The following NF1 variants were observed in gnomAD, a reference collection of about 807,000 sequenced individuals.
NF1 encodes the protein neurofibromin 1.
A neutral mutation model predicts 325.7 loss-of-function variants in NF1; 122 were observed. The observed-to-expected ratio is 0.37, with a 90% CI of 0.32 to 0.44. The LOEUF (loss-of-function observed/expected upper bound fraction) is 0.44. NF1 is among the 20% of genes least tolerant of loss of function. The pLI is 1.00. For synonymous variants in NF1, 1,091 were observed against 1,186.0 expected (o/e 0.92, Z 1.65); for missense variants, 2,140 against 3,415.4 (o/e 0.63, Z 9.31).
At chr17:31,207,560 C>T (rs1273000438) in intron 12 of NF1, among the ~76,000 whole-genome samples, 1 of 151,928 alleles carries the variant, frequency 6.6e-6, no homozygotes, top group Non-Finnish European at 1.5e-5. Context: ...AAAATATAGC[C>T]AAAAGATCAT....
At chr17:31,256,860 G>A (rs1327682470) in intron 31 of NF1, among the ~76,000 whole-genome samples, 1 of 152,156 alleles carries the variant, frequency 6.6e-6, no homozygotes, top group African/African-American at 2.4e-5. Context: ...CCTGAACTAT[G>A]TGTAGTGTAA....
chr17:31,186,810 T>C (rs779173232), intron 8 of NF1, among the ~76,000 whole-genome samples: 25 of 152,210 alleles, frequency 1.6e-4, no homozygotes, highest in Non-Finnish European at 3.1e-4. Flanking sequence ...ATGGAAGTTA[T>C]GCATGGGCTT....
At chr17:31,301,247 T>C (rs111661858) in intron 36 of NF1, among the ~76,000 whole-genome samples, 13 of 152,266 alleles carry the variant, frequency 8.5e-5, no homozygotes, top group African/African-American at 2.6e-4. Context: ...GCTTCCAGAT[T>C]ATAAAGGAAT....
chr17:31,199,383 GT>G (rs1370436933), intron 8 of NF1, among the ~76,000 whole-genome samples: 1 of 151,978 alleles, frequency 6.6e-6, no homozygotes, highest in Non-Finnish European at 1.5e-5. Context: ...GAATTTTTTA[GT>G]TTTTTTATCT....
rs1373088315 is a variant in NF1, at chr17:31,334,869, C to T, written c.5844C>T (p.Tyr1948=). 1 of 1,613,878 alleles carries T rather than the reference C, an allele frequency of 6.2e-7. No homozygotes were observed. Among genetic ancestry groups the T allele is most frequent in the Non-Finnish European group, 8.5e-7 (1 of 1,179,962 alleles). Residue 1948 remains tyrosine (Y), a synonymous_variant, in exon 40 of 58, where the codon TAC becomes TAT. Transcript: ENST00000358273. The stretch of plus-strand genomic sequence containing the variant: ...AATTGAAACACCTTTGTTTGGAATA[C>T]ATGACTCCATGGCTGTCAAATCTAG... ...SIELKHLCLE[Y]MTPWLSNLVR...
At chr17:31,155,555 C>T (rs1349602996) in intron 1 of NF1, among the ~76,000 whole-genome samples, 1 of 152,086 alleles carries the variant, frequency 6.6e-6, no homozygotes, top group African/African-American at 2.4e-5. Context: ...TGTTTGAGTT[C>T]AATGGATAAG....
intron 1 of NF1, among the ~76,000 whole-genome samples, chr17:31,119,505 A>G (rs1437025181): frequency 6.7e-6 from 1 of 148,200 alleles, no homozygotes; most frequent in African/African-American, 2.5e-5. Flanking sequence ...TAGATTCTGG[A>G]TATTAGCCCT....
At position 31,375,064 on chromosome 17, in the gene NF1, C is replaced by A. The variant is rs1193297377; in HGVS notation, c.*909C>A. On this transcript the variant is annotated 3_prime_UTR_variant, in exon 58 of 58. Transcript: ENST00000358273. ...TCCCCCTCTTCTTTCCTAACTAATT[C>A]TGAGCAGGGTAATCAGTGAACAAAG... The A allele has an allele frequency of 3.3e-5, 7 of 210,726 alleles. No homozygotes were observed. Among genetic ancestry groups the A allele is most frequent in the Non-Finnish European group, 6.7e-5 (7 of 103,778 alleles). 13.1% of individuals were successfully genotyped at this position (210,726 alleles called of 1,614,324 possible).
chr17:31,330,604 A>G, intron 39 of NF1, 106 bp downstream of exon 39: 1 of 902,650 alleles, frequency 1.1e-6, no homozygotes, highest in Non-Finnish European at 1.7e-6. Context: ...TTACATTTTT[A>G]CTTTTTTTCC....
intron 1 of NF1, among the ~76,000 whole-genome samples, chr17:31,126,406 T>A (rs1457798893): frequency 6.6e-6 from 1 of 152,160 alleles, no homozygotes; most frequent in Non-Finnish European, 1.5e-5. Flanking sequence ...TTGTTTAATT[T>A]TTCCTGATTG....
At chr17:31,145,988 CAT>C (rs1916558431) in intron 1 of NF1, among the ~76,000 whole-genome samples, 1 of 152,154 alleles carries the variant, frequency 6.6e-6, no homozygotes, top group Non-Finnish European at 1.5e-5. Context: ...GAGAAGTTTC[CAT>C]TACAGATTCA....
At chr17:31,270,983 T>TGGGTGG in intron 36 of NF1, among the ~76,000 whole-genome samples, 1 of 152,184 alleles carries the variant, frequency 6.6e-6, no homozygotes, top group Non-Finnish European at 1.5e-5. Flanking sequence ...AGTGTTTCAT[T>TGGGTGG]TATTACTAAA....
At position 31,377,193 on chromosome 17, in the gene NF1, A is replaced by G. The variant is rs1223404536; in HGVS notation, c.*3038A>G. The G allele has an allele frequency of 8.6e-6, 2 of 233,438 alleles. No individual in the cohort carries two copies. The highest frequency in any genetic ancestry group is 2.2e-5 in the African/African-American group (1 of 45,298). The allele number at this position is 233,438 out of a possible 1,614,324, so 14.5% of individuals were successfully genotyped here. A position where few individuals can be genotyped will look rare whatever the true frequency, so the allele number is the denominator to read the frequency against. On this transcript the variant is annotated 3_prime_UTR_variant, in exon 58 of 58. Coordinates refer to ENST00000358273, the MANE Select transcript of NF1 (RefSeq NM_001042492.3). ...GCCACACAATTTTTTTTAATGCAGT[A>G]TATTCACCTGTAAATAGTTTGTGTA...
intron 8 of NF1, chr17:31,183,577 A>G (rs2066177153): frequency 6.6e-6 from 1 of 152,386 alleles, no homozygotes; most frequent in Admixed American, 6.5e-5. Flanking sequence ...GCCCTTCAAA[A>G]TAGTAGGTTT....
chr17:31,137,813 G>T (rs1915887531), intron 1 of NF1: 1 of 151,052 alleles, frequency 6.6e-6, no homozygotes. Flanking sequence ...TTGATAATTT[G>T]TCTAGGTCTT....
chr17:31,304,046 C>G (rs984609667), intron 36 of NF1: 8 of 440,382 alleles, frequency 1.8e-5, no homozygotes, highest in Non-Finnish European at 2.8e-5. Flanking sequence ...ATGTACTATA[C>G]TTTAAAGATA....
intron 8 of NF1, among the ~76,000 whole-genome samples, chr17:31,187,641 G>C (rs1159996591): frequency 6.6e-6 from 1 of 152,166 alleles, no homozygotes; most frequent in Non-Finnish European, 1.5e-5. Context: ...GGCTGTGTAT[G>C]CTCTGAATCA....
chr17:31,173,959 G>T (rs569346446), intron 5 of NF1, among the ~76,000 whole-genome samples: 2 of 152,304 alleles, frequency 1.3e-5, no homozygotes, highest in Admixed American at 1.3e-4. Flanking sequence ...AGAGCAAAGA[G>T]AATTCAAAGG....
At chr17:31,163,585 G>A (rs774774860) in intron 4 of NF1, among the ~76,000 whole-genome samples, 3 of 152,104 alleles carry the variant, frequency 2.0e-5, no homozygotes, top group Non-Finnish European at 2.9e-5. Context: ...CTGGGCTTGC[G>A]TAGAAATTTT....
Sources: gnomAD v4.1 joint callset for allele counts (sites outside exome capture counted in the v4.1 genomes callset) on GRCh38, gnomAD v4.1.1 for gene constraint, MANE v1.5 for transcripts, NCBI Gene and HGNC (gene_info 2026-07-23, HGNC 2026-07-21) for gene names.